OSMR: variants seen among roughly 807,000 people sequenced by gnomAD.
The protein encoded by OSMR is oncostatin-M-specific receptor subunit beta.
In OSMR, 81 loss-of-function variants were observed where a neutral mutation model predicts 99.9. The observed-to-expected ratio is 0.81, with a 90% CI of 0.68 to 0.97. The LOEUF (loss-of-function observed/expected upper bound fraction) is 0.97, where lower values mean the gene tolerates loss of function less well. Among genes scored for constraint, OSMR ranks in the 50% least tolerant of loss-of-function variants. The pLI is 0.00. For missense variants in OSMR, 1,099 were observed against 1,153.4 expected, an observed-to-expected ratio of 0.95 and a Z score of 0.68; for synonymous variants, 406 against 410.4, an observed-to-expected ratio of 0.99 and a Z score of 0.13.
At chr5:38,862,369 G>A (rs62352593) in intron 1 of OSMR, among the ~76,000 whole-genome samples, 15 of 102,918 alleles carry the variant, frequency 1.5e-4, no homozygotes, top group South Asian at 4.5e-4. Context: ...AGGGGCGGCC[G>A]GGCAGAGGCG....
chr5:38,927,779 G>C (rs1283318800), intron 15 of OSMR, among the ~76,000 whole-genome samples: 3 of 152,120 alleles, frequency 2.0e-5, no homozygotes, highest in Non-Finnish European at 4.4e-5. Context: ...GCATATTTCT[G>C]CAGCTGGCTT....
At chr5:38,909,115 T>A (rs1745417480) in intron 9 of OSMR, among the ~76,000 whole-genome samples, 1 of 152,142 alleles carries the variant, frequency 6.6e-6, no homozygotes, top group Non-Finnish European at 1.5e-5. Flanking sequence ...TTTCAAGAAT[T>A]TCATAATACA....
chr5:38,865,107 T>G (rs1474854871), intron 1 of OSMR, among the ~76,000 whole-genome samples: 1 of 152,234 alleles, frequency 6.6e-6, no homozygotes, highest in East Asian at 1.9e-4. Flanking sequence ...GACTTCTGTT[T>G]GGTTCCTTTT....
intron 15 of OSMR, among the ~76,000 whole-genome samples, chr5:38,930,290 G>GTTAA (rs1746662810): frequency 1.3e-5 from 2 of 152,142 alleles, no homozygotes; most frequent in African/African-American, 4.8e-5. Flanking sequence ...CAGGGTCAGG[G>GTTAA]TTAATTTTAG....
chr5:38,935,523 A>G lies in OSMR; in HGVS notation c.*2079A>G, dbSNP rs998167244. On this transcript the variant is annotated 3_prime_UTR_variant, in exon 18 of 18. Coordinates refer to ENST00000274276, the MANE Select transcript of OSMR (RefSeq NM_003999.3). Reference sequence around the variant, plus strand: ...AAACTTGTTCATAAAAATGTCAATGACATTGATGACTGATTTGTACATATT... The same window carrying G: ...AAACTTGTTCATAAAAATGTCAATGGCATTGATGACTGATTTGTACATATT... The G allele has an allele frequency of 2.0e-5, 3 of 152,230 alleles. No homozygotes were observed. Among genetic ancestry groups the G allele is most frequent in the Non-Finnish European group, 2.9e-5 (2 of 68,040 alleles). 9.4% of individuals were successfully genotyped at this position (152,230 alleles called of 1,614,324 possible). A position where few individuals can be genotyped will look rare whatever the true frequency, so the allele number is the denominator to read the frequency against.
chr5:38,927,459 A>G (rs1470110795), intron 15 of OSMR, among the ~76,000 whole-genome samples: 1 of 152,222 alleles, frequency 6.6e-6, no homozygotes, highest in Non-Finnish European at 1.5e-5. Flanking sequence ...CTGTGCACCC[A>G]CAGGCTCAAC....
chr5:38,858,870 C>T (rs924252692), intron 1 of OSMR, among the ~76,000 whole-genome samples: 12 of 152,272 alleles, frequency 7.9e-5, no homozygotes, highest in African/African-American at 2.9e-4. Context: ...TGATGTTGGG[C>T]ATTTTTGCCA....
rs1475461329 is a variant in OSMR, at chr5:38,925,234, A to T, written c.2075A>T (p.Asp692Val). Reference protein sequence around the residue: ...DGSECCKYKIDNPEEKALIVD... With the variant: ...DGSECCKYKIVNPEEKALIVD... ...TCAGAATGTTGCAAATACAAAATTG[A>T]CAACCCGGAAGAAAAGGCATTGATT... is the stretch of plus-strand genomic sequence containing the variant. The change falls in exon 15 of 18, where the codon GAC (aspartate) becomes GTC (valine). Residue 692 changes from aspartate (D) to valine (V), a missense_variant. By Grantham distance (152) the Asp-to-Val change is radical (BLOSUM62 -3). Coordinates refer to ENST00000274276, the MANE Select transcript of OSMR (RefSeq NM_003999.3). 6.2e-7 allele frequency: 1 copy of T among 1,614,002 alleles called. No individual in the cohort carries two copies. The highest frequency in any genetic ancestry group is 1.3e-5 in the African/African-American group (1 of 74,924).
intron 1 of OSMR, among the ~76,000 whole-genome samples, chr5:38,858,940 CT>C (rs1407100807): frequency 6.6e-6 from 1 of 152,130 alleles, no homozygotes; most frequent in Non-Finnish European, 1.5e-5. Context: ...CATATGTCCA[CT>C]TTTTAATGGA....
At chr5:38,904,309 G>T (rs1375767559) in intron 8 of OSMR, 44 bp from the exon 9 acceptor site, 1 of 1,587,670 alleles carries the variant, frequency 6.3e-7, no homozygotes, top group Admixed American at 1.8e-5. Flanking sequence ...TTTCTGTCTT[G>T]TTCTTTTCTC....
intron 1 of OSMR, chr5:38,944,164 AAGTG>A (rs1291807544): frequency 6.0e-6 from 3 of 499,104 alleles, no homozygotes; most frequent in Non-Finnish European, 1.2e-5. Context: ...AAAAGTAAAA[AAGTG>A]AGAAGAGTGG....
intron 9 of OSMR, among the ~76,000 whole-genome samples, chr5:38,907,920 G>C (rs1003435065): frequency 6.6e-6 from 1 of 152,108 alleles, no homozygotes; most frequent in Non-Finnish European, 1.5e-5. Flanking sequence ...TAAGCACAAC[G>C]TGTGGCCCTG....
chr5:38,886,362 C>T, intron 7 of OSMR, 172 bp downstream of exon 7: 1 of 1,423,896 alleles, frequency 7.0e-7, no homozygotes, highest in Non-Finnish European at 9.1e-7. Flanking sequence ...CACGCATCCC[C>T]TATTATTTGT....
At chr5:38,943,415 G>A (rs1194368384) in intron 1 of OSMR, among the ~76,000 whole-genome samples, 2 of 152,170 alleles carry the variant, frequency 1.3e-5, no homozygotes, top group Non-Finnish European at 2.9e-5. Context: ...TGAGTTGGGT[G>A]AGTGACCAGT....
At chr5:38,854,532 C>T (rs1740698758) in intron 1 of OSMR, among the ~76,000 whole-genome samples, 2 of 151,870 alleles carry the variant, frequency 1.3e-5, no homozygotes, top group Admixed American at 6.6e-5. Context: ...TTCTTTTGCC[C>T]TGCAGAGAAG....
At chr5:38,926,297 G>T (rs548384523) in intron 15 of OSMR, among the ~76,000 whole-genome samples, 59 of 152,280 alleles carry the variant, frequency 3.9e-4, no homozygotes, top group African/African-American at 1.1e-3. Context: ...ACCCTGGAGT[G>T]CCCTGACTGG....
At chr5:38,904,566 T>G in intron 9 of OSMR, 63 bp downstream of exon 9, 1 of 1,606,440 alleles carries the variant, frequency 6.2e-7, no homozygotes, top group Non-Finnish European at 8.5e-7. Context: ...CTGGTTTCCT[T>G]AAGAGATTTT....
At chr5:38,861,757 C>A (rs1210464284) in intron 1 of OSMR, among the ~76,000 whole-genome samples, 3 of 149,434 alleles carry the variant, frequency 2.0e-5, no homozygotes, top group African/African-American at 2.5e-5. Context: ...CTGACCCCCC[C>A]ACCTCCCTCC....
At chr5:38,931,197 A>G (rs1746729899) in intron 15 of OSMR, among the ~76,000 whole-genome samples, 1 of 152,174 alleles carries the variant, frequency 6.6e-6, no homozygotes, top group African/African-American at 2.4e-5. Context: ...GAGGCTAACT[A>G]GAAGGAGTGC....
Sources: gnomAD v4.1 joint callset for allele counts (sites outside exome capture counted in the v4.1 genomes callset) on GRCh38, gnomAD v4.1.1 for gene constraint, MANE v1.5 for transcripts, NCBI Gene and HGNC (gene_info 2026-07-23, HGNC 2026-07-21) for gene names.